Variants in HECTD4 observed in about 807,000 individuals in gnomAD.
HECTD4 encodes HECT domain E3 ubiquitin protein ligase 4.
HECTD4 carries 114 observed loss-of-function variants against 471.5 expected under a neutral mutation model. The ratio of observed to expected loss-of-function variants is 0.24; its 90% confidence interval spans 0.21 to 0.28. The LOEUF (loss-of-function observed/expected upper bound fraction) is 0.28. Among genes scored for constraint, HECTD4 ranks in the 10% least tolerant of loss-of-function variants. HECTD4 has a pLI of 1.00. For missense variants in HECTD4, 3,866 were observed against 5,651.5 expected (o/e 0.68, Z 10.13); for synonymous variants, 2,012 against 2,256.0 (o/e 0.89, Z 3.07).
intron 2 of HECTD4, among the ~76,000 whole-genome samples, chr12:112,315,895 TAAAAAAAAAAAA>T (rs570049819): frequency 2.1e-5 from 2 of 93,044 alleles, no homozygotes; most frequent in Admixed American, 1.2e-4. Context: ...GACCATGTCT[TAAAAAAAAAAAA>T]AAAAAAAAAA....
chr12:112,287,507 C>G (rs1000149352), intron 7 of HECTD4, among the ~76,000 whole-genome samples: 8 of 152,054 alleles, frequency 5.3e-5, no homozygotes, highest in African/African-American at 1.9e-4. Flanking sequence ...AGAAAAATAG[C>G]AATAAAATTG....
rs2035266100 is a variant in HECTD4, at chr12:112,306,098, C to T, written c.1301G>A (p.Gly434Glu). ...AAAAATGTCCATGAAGACAGAATGT[C>T]CCTTCGGTGTTTTCTCATTCAGGCT... The part of the protein sequence containing the change: ...PASLNEKTPK[G>E]HSVFMDIFEL... The change falls in exon 7 of 76, where the codon GGA (glycine) becomes GAA (glutamate). Residue 434 changes from glycine to glutamate, a missense_variant. Physicochemically the swap from Gly to Glu is moderately conservative, Grantham distance 98. Around this residue, in one of 16 missense-constraint regions of HECTD4, gnomAD observed 440 missense variants for 636.0 expected, o/e 0.69. Transcript: ENST00000682272. 6.2e-7 allele frequency: 1 copy of T among 1,610,264 alleles called. No individual in the cohort carries two copies. Among genetic ancestry groups the T allele is most frequent in the Non-Finnish European group, 8.5e-7 (1 of 1,178,952 alleles).
At chr12:112,247,403 T>C (rs1680691199) in intron 28 of HECTD4, 59 bp downstream of exon 28, 1 of 789,016 alleles carries the variant, frequency 1.3e-6, no homozygotes, top group African/African-American at 1.8e-5. Context: ...ACTAGACCTT[T>C]ACAGTGTGTT....
rs1229957362 is a variant in HECTD4, at chr12:112,247,545, T to C, written c.4254A>G (p.Lys1418=). The change falls in exon 28 of 76, where the codon AAA becomes AAG. Residue 1418 remains lysine, a synonymous_variant. Transcript: ENST00000682272. ...AACATAAAAGTTCTAGTTCTTTCAT[T>C]TTGTTCTAAAGAAAAAAAAGATGGT... ...FFYDYHFNEN[K]MKELELLCSM... The C allele has an allele frequency of 6.7e-7, 1 of 1,487,994 alleles. No homozygotes were observed. The highest frequency in any genetic ancestry group is 9.0e-7 in the Non-Finnish European group (1 of 1,105,068). The allele number at this position is 1,487,994 out of a possible 1,614,324, so 92.2% of individuals were successfully genotyped here. A position where few individuals can be genotyped will look rare whatever the true frequency, so the allele number is the denominator to read the frequency against.
rs2032058418 is a variant in HECTD4 at position 112,190,974 on chromosome 12, A to G, written c.9293-9T>C. 8.4e-6 allele frequency: 13 copies of G among 1,547,334 alleles called. No homozygotes were observed. Among genetic ancestry groups the G allele is most frequent in the Non-Finnish European group, 1.0e-5 (12 of 1,145,030 alleles). On this transcript the variant is annotated splice_polypyrimidine_tract_variant and intron_variant, in intron 59 of 75. Transcript: ENST00000682272. ...AGGAGGTGGAGACACCCCTGCAAGA[A>G]GCACCCAGGAAGAAAGCAGATGATT...
intron 1 of HECTD4, among the ~76,000 whole-genome samples, chr12:112,371,976 A>C (rs921561848): frequency 4.6e-5 from 7 of 152,098 alleles, no homozygotes; most frequent in Non-Finnish European, 7.4e-5. Context: ...CTACTATAGA[A>C]AAAATTATGT....
At chr12:112,359,472 T>C (rs982268773) in intron 1 of HECTD4, among the ~76,000 whole-genome samples, 3 of 152,100 alleles carry the variant, frequency 2.0e-5, no homozygotes, top group Non-Finnish European at 4.4e-5. Flanking sequence ...CACACTGGAG[T>C]GCAGGGGAGT....
chr12:112,208,814 AAATAGTT>A (rs2135540954), intron 50 of HECTD4, among the ~76,000 whole-genome samples, 184 bp from the exon 51 acceptor site: 1 of 152,124 alleles, frequency 6.6e-6, no homozygotes, highest in East Asian at 1.9e-4. Flanking sequence ...CTGAATCCTA[AAATAGTT>A]TTTATGAGTA....
At chr12:112,348,656 A>C (rs1175728054) in intron 1 of HECTD4, among the ~76,000 whole-genome samples, 1 of 152,150 alleles carries the variant, frequency 6.6e-6, no homozygotes, top group African/African-American at 2.4e-5. Flanking sequence ...CCTCCTTGGG[A>C]TTGCTTGAGC....
intron 45 of HECTD4, among the ~76,000 whole-genome samples, chr12:112,219,164 G>A (rs1031835016): frequency 5.9e-5 from 9 of 151,738 alleles, no homozygotes; most frequent in African/African-American, 1.7e-4. Flanking sequence ...ATGAAGTTTC[G>A]CTCCCCTGCT....
At position 112,339,071 on chromosome 12, in the gene HECTD4, C is replaced by A. The variant is rs999153008; in HGVS notation, c.178-19329G>T. On this transcript the variant is annotated intron_variant, in intron 1 of 75. Transcript: ENST00000682272. Reference sequence around the variant, plus strand: ...AGGGACTAGCCTACAATCCATCAATCCACTCCTAGGTAATTCCCTATAGAA... The same window carrying A: ...AGGGACTAGCCTACAATCCATCAATACACTCCTAGGTAATTCCCTATAGAA... 2.8e-4 allele frequency among the ~76,000 whole-genome samples: 43 copies of A among 152,030 alleles called. 2 individuals carry two copies. Among genetic ancestry groups the A allele is most frequent in the Admixed American group, 2.4e-3 (37 of 15,256 alleles).
intron 17 of HECTD4, among the ~76,000 whole-genome samples, chr12:112,262,452 G>A (rs1241591103): frequency 1.5e-5 from 2 of 130,810 alleles, no homozygotes; most frequent in Non-Finnish European, 3.1e-5. Flanking sequence ...GAAGATGGAG[G>A]TTGCAGTGAG....
intron 34 of HECTD4, among the ~76,000 whole-genome samples, chr12:112,238,471 G>GT (rs1555252715): frequency 1.3e-5 from 2 of 152,144 alleles, no homozygotes; most frequent in African/African-American, 2.4e-5. Flanking sequence ...AAAAATATTT[G>GT]TTTTTTTGAA....
At chr12:112,329,363 G>GTT (rs1491421688) in intron 1 of HECTD4, among the ~76,000 whole-genome samples, 4 of 134,624 alleles carry the variant, frequency 3.0e-5, no homozygotes, top group Admixed American at 7.6e-5. Flanking sequence ...TTTGTTTTGG[G>GTT]TTTTTTGTTT....
chr12:112,268,188 A>G (rs2034323723), intron 13 of HECTD4, among the ~76,000 whole-genome samples: 1 of 152,222 alleles, frequency 6.6e-6, no homozygotes, highest in Non-Finnish European at 1.5e-5. Flanking sequence ...GTACAATCTG[A>G]TAAGTCTGAC....
chr12:112,290,960 C>T (rs186653122), intron 7 of HECTD4, among the ~76,000 whole-genome samples: 4 of 152,180 alleles, frequency 2.6e-5, no homozygotes, highest in East Asian at 1.9e-4. Flanking sequence ...GAATATATCC[C>T]GATTCTGCTC....
chr12:112,362,661 A>G (rs994582411), intron 1 of HECTD4, among the ~76,000 whole-genome samples: 13 of 152,114 alleles, frequency 8.5e-5, no homozygotes, highest in East Asian at 5.8e-4. Context: ...GCGTTATGTT[A>G]GCAAGGAGAC....
chr12:112,182,221 T>C (rs2031700036), intron 62 of HECTD4, among the ~76,000 whole-genome samples: 1 of 151,938 alleles, frequency 6.6e-6, no homozygotes, highest in East Asian at 1.9e-4. Context: ...GTCCTAACAC[T>C]TTGGGAGGCC....
intron 1 of HECTD4, among the ~76,000 whole-genome samples, chr12:112,324,045 C>CCTTCTTTCTTTCTTT: frequency 7.2e-5 from 1 of 13,936 alleles, no homozygotes; most frequent in Middle Eastern, 0.025. Flanking sequence ...TTCCTTCCTT[C>CCTTCTTTCTTTCTTT]CTTTCTTTCT....
Sources: allele counts gnomAD v4.1 joint callset (sites outside exome capture counted in the v4.1 genomes callset), GRCh38; gene constraint gnomAD v4.1.1; regional missense constraint gnomAD v4.1.1; transcripts MANE v1.5; gene names NCBI Gene and HGNC (gene_info 2026-07-23, HGNC 2026-07-21).